DPYD: variants seen among roughly 807,000 people sequenced by gnomAD.
DPYD encodes the protein dihydropyrimidine dehydrogenase.
A neutral mutation model predicts 116.2 loss-of-function variants in DPYD; 109 were observed. That is an observed-to-expected ratio of 0.94 (90% CI 0.80 to 1.10). The LOEUF is 1.10. DPYD is among the 50% of genes least tolerant of loss of function. DPYD has a pLI of 0.00. For missense variants in DPYD, 1,302 were observed against 1,254.5 expected (o/e 1.04, Z -0.57); for synonymous variants, 440 against 432.0 (o/e 1.02, Z -0.23).
intron 18 of DPYD, among the ~76,000 whole-genome samples, chr1:97,251,134 T>C (rs935431001): frequency 6.6e-6 from 1 of 152,060 alleles, no homozygotes; most frequent in African/African-American, 2.4e-5. Context: ...CGGTGGCTCA[T>C]GTCTGTAATT....
intron 11 of DPYD, among the ~76,000 whole-genome samples, chr1:97,567,784 T>C (rs1652629748): frequency 6.6e-6 from 1 of 152,176 alleles, no homozygotes; most frequent in African/African-American, 2.4e-5. Flanking sequence ...TGTGGTCCAA[T>C]TTTCACCATT....
intron 20 of DPYD, among the ~76,000 whole-genome samples, chr1:97,132,894 G>C (rs894964107): frequency 6.6e-6 from 1 of 151,974 alleles, no homozygotes; most frequent in Non-Finnish European, 1.5e-5. Flanking sequence ...TTTCCAAAGA[G>C]CTGAACCTAT....
chr1:97,868,513 AG>A (rs1192761462), intron 2 of DPYD, among the ~76,000 whole-genome samples: 1 of 151,862 alleles, frequency 6.6e-6, no homozygotes, highest in East Asian at 1.9e-4. Context: ...AATAATAAAA[AG>A]TACTACTTAG....
At chr1:97,727,372 T>C (rs747586100) in intron 4 of DPYD, among the ~76,000 whole-genome samples, 5 of 151,822 alleles carry the variant, frequency 3.3e-5, no homozygotes, top group Non-Finnish European at 5.9e-5. Flanking sequence ...TTAGAAGATA[T>C]ATTTGAAAAA....
At chr1:97,091,028 T>C (rs935568269) in intron 21 of DPYD, among the ~76,000 whole-genome samples, 3 of 152,240 alleles carry the variant, frequency 2.0e-5, no homozygotes, top group African/African-American at 7.2e-5. Context: ...TGAGATCTAC[T>C]GAGCATAGCT....
intron 8 of DPYD, among the ~76,000 whole-genome samples, chr1:97,671,602 C>T (rs1159765910): frequency 6.6e-6 from 1 of 152,118 alleles, no homozygotes; most frequent in Non-Finnish European, 1.5e-5. Flanking sequence ...CAAGTTATTA[C>T]ATTGCTTTTC....
intron 20 of DPYD, among the ~76,000 whole-genome samples, chr1:97,176,715 T>A (rs980032429): frequency 2.0e-5 from 3 of 152,126 alleles, no homozygotes; most frequent in African/African-American, 4.8e-5. Context: ...AATATAGGAA[T>A]GTGTAGGGTC....
At chr1:97,123,150 C>G (rs76801364) in intron 20 of DPYD, among the ~76,000 whole-genome samples, 199 of 152,212 alleles carry the variant, frequency 1.3e-3, no homozygotes, top group African/African-American at 4.4e-3. Flanking sequence ...GAAACATAGG[C>G]TGAAAATCCT....
chr1:97,579,885 A>T (rs1214597354), intron 10 of DPYD, among the ~76,000 whole-genome samples: 1 of 152,258 alleles, frequency 6.6e-6, no homozygotes, highest in Non-Finnish European at 1.5e-5. Context: ...AGTTAAAAAA[A>T]ATTCTCAGCT....
chr1:97,085,255 T>C (rs1298821869), intron 21 of DPYD, among the ~76,000 whole-genome samples: 3 of 152,244 alleles, frequency 2.0e-5, no homozygotes, highest in Non-Finnish European at 4.4e-5. Flanking sequence ...ATGATGATTA[T>C]ACAGGAAACT....
At chr1:97,081,772 G>A (rs1433025967) in intron 22 of DPYD, among the ~76,000 whole-genome samples, 1 of 148,434 alleles carries the variant, frequency 6.7e-6, no homozygotes, top group Non-Finnish European at 1.5e-5. Context: ...CTGAGGAGCT[G>A]GAAAGTAGCT....
intron 8 of DPYD, among the ~76,000 whole-genome samples, chr1:97,611,920 T>C (rs1453136170): frequency 6.6e-6 from 1 of 152,040 alleles, no homozygotes; most frequent in Non-Finnish European, 1.5e-5. Context: ...CATTCTTTCA[T>C]AAACATTCAT....
chr1:97,551,429 T>C (rs951594707), intron 11 of DPYD, among the ~76,000 whole-genome samples: 1 of 152,076 alleles, frequency 6.6e-6, no homozygotes, highest in Non-Finnish European at 1.5e-5. Context: ...TAACACATCA[T>C]CATTGAATGA....
intron 20 of DPYD, among the ~76,000 whole-genome samples, chr1:97,162,178 A>C (rs1456046688): frequency 2.0e-5 from 3 of 152,162 alleles, no homozygotes; most frequent in Non-Finnish European, 2.9e-5. Context: ...ACTAGTTTAC[A>C]GTCCCACCAA....
intron 3 of DPYD, among the ~76,000 whole-genome samples, chr1:97,813,915 GACACACACACACACACAC>G (rs59229553): frequency 5.5e-5 from 8 of 144,730 alleles, no homozygotes; most frequent in Admixed American, 1.4e-4. Flanking sequence ...GAAACACACA[GACACACACACACACACAC>G]ACACACACAC....
intron 20 of DPYD, among the ~76,000 whole-genome samples, chr1:97,152,357 T>A (rs967952986): frequency 6.6e-6 from 1 of 152,002 alleles, no homozygotes; most frequent in East Asian, 1.9e-4. Context: ...GCAGTCAATG[T>A]CAGTATTAAA....
intron 14 of DPYD, among the ~76,000 whole-genome samples, chr1:97,412,384 A>T (rs1489321866): frequency 6.6e-6 from 1 of 152,202 alleles, no homozygotes; most frequent in Admixed American, 6.5e-5. Flanking sequence ...AGAAACTACA[A>T]TAAGGGGTTT....
At chr1:97,141,589 C>T (rs1253122076) in intron 20 of DPYD, among the ~76,000 whole-genome samples, 2 of 152,168 alleles carry the variant, frequency 1.3e-5, no homozygotes, top group Non-Finnish European at 2.9e-5. Flanking sequence ...TTTGAGCTCC[C>T]TTGCCTTCTC....
chr1:97,361,788 T>C (rs997902256), intron 16 of DPYD, among the ~76,000 whole-genome samples: 1 of 152,200 alleles, frequency 6.6e-6, no homozygotes, highest in African/African-American at 2.4e-5. Context: ...AAATTAGGTA[T>C]TGATGGAACA....
Sources: gnomAD v4.1 joint callset for allele counts (sites outside exome capture counted in the v4.1 genomes callset) on GRCh38, gnomAD v4.1.1 for gene constraint, MANE v1.5 for transcripts, NCBI Gene and HGNC (gene_info 2026-07-23, HGNC 2026-07-21) for gene names.